The following AEBP2 variants were observed in gnomAD, a reference collection of about 807,000 sequenced individuals.
AEBP2 encodes zinc finger protein AEBP2.
Under a neutral mutation model 50.8 loss-of-function variants are expected in AEBP2, and 10 were observed. That is an observed-to-expected ratio of 0.20 (90% CI 0.12 to 0.33). The LOEUF is 0.33. Ranked by LOEUF, AEBP2 falls within the 10% of genes least tolerant of loss-of-function variation. The pLI is 1.00. For missense variants in AEBP2, 570 were observed against 688.0 expected (o/e 0.83, Z 1.92); for synonymous variants, 296 against 261.3 (o/e 1.13, Z -1.28).
intron 3 of AEBP2, among the ~76,000 whole-genome samples, chr12:19,475,831 A>G (rs1462006339): frequency 1.3e-5 from 2 of 152,096 alleles, no homozygotes; most frequent in African/African-American, 2.4e-5. Context: ...CTTTTGAGAA[A>G]TGCTTATTCA....
chr12:19,413,759 A>C lies in AEBP2; in HGVS notation c.-17+9543A>C, dbSNP rs149857546. Among the ~76,000 whole-genome samples the C allele has an allele frequency of 5.2e-3, 796 of 152,168 alleles. 6 individuals carry two copies. Among genetic ancestry groups the C allele is most frequent in the African/African-American group, 0.018 (760 of 41,520 alleles). ...GCCTGATGTTGCCATGGCATTTGTAAACTGTCATGGTGCTGCTGGTAGTGA... is the reference window on the plus strand; with the variant it reads ...GCCTGATGTTGCCATGGCATTTGTACACTGTCATGGTGCTGCTGGTAGTGA... On this transcript the variant is annotated intron_variant, in intron 1 of 3. Coordinates refer to the AEBP2 transcript ENST00000538425.
intron 2 of AEBP2, among the ~76,000 whole-genome samples, chr12:19,465,129 T>G (rs1948448282): frequency 6.6e-6 from 1 of 152,030 alleles, no homozygotes; most frequent in Non-Finnish European, 1.5e-5. Flanking sequence ...GCGCGGTGGC[T>G]CGTGCCTATA....
chr12:19,442,279 G>A (rs1947975480), intron 1 of AEBP2, among the ~76,000 whole-genome samples: 1 of 152,174 alleles, frequency 6.6e-6, no homozygotes, highest in African/African-American at 2.4e-5. Context: ...GTGGTGGCGC[G>A]CGCCTGTGTT....
intron 3 of AEBP2, among the ~76,000 whole-genome samples, chr12:19,482,101 C>T (rs1224722655): frequency 6.6e-6 from 1 of 152,120 alleles, no homozygotes; most frequent in Non-Finnish European, 1.5e-5. Context: ...GACTGGATCT[C>T]AGGGCCTGCT....
In AEBP2 at chr12:19,439,751, A is replaced by G; in HGVS notation, c.52A>G (p.Ser18Gly). The change falls in exon 1 of 8, where the codon AGC (serine) becomes GGC (glycine). Residue 18 changes from serine (S) to glycine (G), a missense_variant. Physicochemically the swap from Ser to Gly is moderately conservative, Grantham distance 56. Around this residue, in one of 2 missense-constraint regions of AEBP2, gnomAD observed 386 missense variants for 336.8 expected, o/e 1.15. Transcript: ENST00000266508. ...MADLEELSRL[S>G]PLPPGSPGSA... ...CGACCTGGAGGAGCTCTCCCGCCTG[A>G]GCCCTCTGCCCCCCGGCAGCCCGGG... 1 of 1,516,634 alleles carries G rather than the reference A, an allele frequency of 6.6e-7. No homozygotes were observed. The highest frequency in any genetic ancestry group is 8.8e-7 in the Non-Finnish European group (1 of 1,139,282). 93.9% of individuals were successfully genotyped at this position (1,516,634 alleles called of 1,614,324 possible). A position where few individuals can be genotyped will look rare whatever the true frequency, so the allele number is the denominator to read the frequency against.
At chr12:19,464,960 T>C (rs1196799947) in intron 2 of AEBP2, among the ~76,000 whole-genome samples, 1 of 152,116 alleles carries the variant, frequency 6.6e-6, no homozygotes, top group Admixed American at 6.6e-5. Context: ...CTTATTGATA[T>C]TATAGAATTA....
chr12:19,457,616 G>A (rs1293441583), intron 1 of AEBP2: 14 of 1,467,536 alleles, frequency 9.5e-6, no homozygotes, highest in South Asian at 2.9e-5. Flanking sequence ...GTCCAATGAC[G>A]ACAATGTGGA....
At chr12:19,450,480 A>G (rs891155595) in intron 1 of AEBP2, among the ~76,000 whole-genome samples, 1 of 147,480 alleles carries the variant, frequency 6.8e-6, no homozygotes, top group African/African-American at 2.5e-5. Flanking sequence ...CTATGAATGT[A>G]CAAAACCAAA....
At chr12:19,448,507 C>G (rs1472699581) in intron 1 of AEBP2, among the ~76,000 whole-genome samples, 1 of 151,556 alleles carries the variant, frequency 6.6e-6, no homozygotes, top group Non-Finnish European at 1.5e-5. Flanking sequence ...AAGTAAAGAT[C>G]AGGTCTCATA....
intron 2 of AEBP2, chr12:19,466,980 G>C (rs772637606): frequency 1.4e-5 from 3 of 208,964 alleles, no homozygotes; most frequent in Non-Finnish European, 2.5e-5. Flanking sequence ...CTTTTAAGTT[G>C]TTTATGTTGC....
intron 1 of AEBP2, among the ~76,000 whole-genome samples, chr12:19,417,403 T>C (rs931095923): frequency 9.9e-5 from 15 of 152,038 alleles, no homozygotes; most frequent in African/African-American, 3.4e-4. Flanking sequence ...GTCACAGTTT[T>C]CTTATGATTC....
chr12:19,421,417 C>G (rs1232746026), intron 1 of AEBP2, among the ~76,000 whole-genome samples: 1 of 148,706 alleles, frequency 6.7e-6, no homozygotes, highest in African/African-American at 2.5e-5. Flanking sequence ...TTTTGGCAGG[C>G]TGAGGTGGGT....
rs999734390 is a variant in AEBP2, at chr12:19,439,577, C to G, written c.-123C>G. ...TGCAGGCTGACGCAGCTCGCGGGCC[C>G]TCCTCCTGCTCTGCAGCGGCGTCGG... On this transcript the variant is annotated 5_prime_UTR_variant, in exon 1 of 8. Coordinates refer to ENST00000266508, the MANE Select transcript of AEBP2 (RefSeq NM_153207.5). 1.5e-6 allele frequency: 2 copies of G among 1,306,364 alleles called. No homozygotes were observed. The highest frequency in any genetic ancestry group is 1.5e-5 in the South Asian group (1 of 67,092). The allele number at this position is 1,306,364 out of a possible 1,614,324, so 80.9% of individuals were successfully genotyped here.
At chr12:19,466,742 C>T (rs1948483438) in intron 2 of AEBP2, 1 of 955,048 alleles carries the variant, frequency 1.0e-6, no homozygotes, top group Non-Finnish European at 1.2e-6. Flanking sequence ...TTCTTTCTCT[C>T]TTAAGTGTTA....
intron 1 of AEBP2, among the ~76,000 whole-genome samples, chr12:19,458,735 A>G (rs1237718284): frequency 6.6e-6 from 1 of 152,208 alleles, no homozygotes; most frequent in African/African-American, 2.4e-5. Context: ...TGTCCAGTTA[A>G]AAAAAATCGA....
Position 19,439,916 on chromosome 12 carries a change from G to A in AEBP2, c.217G>A (p.Gly73Arg). 6.7e-7 allele frequency: 1 copy of A among 1,503,590 alleles called. No individual in the cohort carries two copies. The highest frequency in any genetic ancestry group is 8.8e-7 in the Non-Finnish European group (1 of 1,133,802). The allele number at this position is 1,503,590 out of a possible 1,614,324, so 93.1% of individuals were successfully genotyped here. A position where few individuals can be genotyped will look rare whatever the true frequency, so the allele number is the denominator to read the frequency against. The change falls in exon 1 of 8, where the codon GGA becomes AGA. Residue 73 changes from glycine to arginine, a missense_variant. This residue lies in a region of AEBP2 where 386 missense variants were observed against 336.8 expected (regional missense o/e 1.15). Transcript: ENST00000266508. ...SGGGGGGGGG[G>R]VGGGEAETMS... ...TGGGGGCGGCGGAGGCGGCGGCGGA[G>A]GAGTGGGGGGCGGCGAGGCAGAGAC...
At position 19,518,174 on chromosome 12, in the gene AEBP2, T is replaced by C; in HGVS notation, c.*57T>C. On this transcript the variant is annotated 3_prime_UTR_variant, in exon 8 of 8. Coordinates refer to ENST00000266508, the MANE Select transcript of AEBP2 (RefSeq NM_153207.5). ...CGGGGACACCTGCAGTCTTAGTCACTGACAATGGGTTTAGGGAAAGTTGCA... is the reference window on the plus strand; with the variant it reads ...CGGGGACACCTGCAGTCTTAGTCACCGACAATGGGTTTAGGGAAAGTTGCA... 1 of 1,514,828 alleles carries C rather than the reference T, an allele frequency of 6.6e-7. No homozygotes were observed. Among genetic ancestry groups the C allele is most frequent in the Non-Finnish European group, 8.8e-7 (1 of 1,134,520 alleles). 93.8% of individuals were successfully genotyped at this position (1,514,828 alleles called of 1,614,324 possible).
chr12:19,434,907 T>G (rs2095753400), upstream of AEBP2, among the ~76,000 whole-genome samples: 1 of 152,174 alleles, frequency 6.6e-6, no homozygotes, highest in Non-Finnish European at 1.5e-5. Flanking sequence ...AGTCTTCAAG[T>G]ATAAATACCA....
At chr12:19,467,032 G>A (rs1044615843) in intron 2 of AEBP2, among the ~76,000 whole-genome samples, 1 of 152,124 alleles carries the variant, frequency 6.6e-6, no homozygotes. Context: ...GTCAAGTGGA[G>A]TTTAGATTTT....
Sources: allele counts gnomAD v4.1 joint callset (sites outside exome capture counted in the v4.1 genomes callset), GRCh38; gene constraint gnomAD v4.1.1; regional missense constraint gnomAD v4.1.1; transcripts MANE v1.5; gene names NCBI Gene and HGNC (gene_info 2026-07-23, HGNC 2026-07-21).